TMPRSS11D: variants seen among roughly 807,000 people sequenced by gnomAD.
The protein encoded by TMPRSS11D is transmembrane serine protease 11D, also known as transmembrane protease serine 11D.
In TMPRSS11D, 32 loss-of-function variants were observed where a neutral mutation model predicts 44.4. The ratio of observed to expected loss-of-function variants is 0.72; its 90% CI spans 0.54 to 0.97. The LOEUF (loss-of-function observed/expected upper bound fraction) is 0.97. Among genes scored for constraint, TMPRSS11D ranks in the 50% least tolerant of loss-of-function variants. The probability of loss-of-function intolerance (pLI) is 0.00; values close to 1 mark genes in which losing one functional copy is unlikely to be tolerated. For synonymous variants in TMPRSS11D, 179 were observed against 177.9 expected, an observed-to-expected ratio of 1.01 and a Z score of -0.05; for missense variants, 446 against 502.6, an observed-to-expected ratio of 0.89 and a Z score of 1.08.
At chr4:67,862,476 G>A (rs1409173827) in intron 1 of TMPRSS11D, among the ~76,000 whole-genome samples, 7 of 152,068 alleles carry the variant, frequency 4.6e-5, no homozygotes, top group Admixed American at 6.6e-5. Flanking sequence ...TCACTTGGGG[G>A]AAGCAAAGGG....
chr4:67,878,425 T>C (rs1480407090), intron 1 of TMPRSS11D, among the ~76,000 whole-genome samples: 1 of 152,192 alleles, frequency 6.6e-6, no homozygotes. Flanking sequence ...TTTATCTTGA[T>C]TACCCAAAGT....
At chr4:67,855,081 CCT>C (rs1718601936) in intron 2 of TMPRSS11D, among the ~76,000 whole-genome samples, 1 of 151,920 alleles carries the variant, frequency 6.6e-6, no homozygotes, top group Non-Finnish European at 1.5e-5. Flanking sequence ...ATGGTGAAAC[CCT>C]GTCTCTACTA....
intron 1 of TMPRSS11D, among the ~76,000 whole-genome samples, chr4:67,859,928 T>C (rs1718755343): frequency 6.6e-6 from 1 of 152,166 alleles, no homozygotes; most frequent in Non-Finnish European, 1.5e-5. Context: ...GAAATCTGAC[T>C]TATGGTTTGG....
intron 3 of TMPRSS11D, among the ~76,000 whole-genome samples, chr4:67,844,549 G>A (rs1265018476): frequency 1.3e-5 from 2 of 152,044 alleles, no homozygotes; most frequent in African/African-American, 4.8e-5. Context: ...TGAGGCAAGT[G>A]GATCACTTGA....
At chr4:67,878,700 C>A (rs1719251720) in intron 1 of TMPRSS11D, among the ~76,000 whole-genome samples, 1 of 152,038 alleles carries the variant, frequency 6.6e-6, no homozygotes, top group African/African-American at 2.4e-5. Flanking sequence ...CCGAGGTGGG[C>A]AGATCATGAG....
In TMPRSS11D at chr4:67,862,332, C is replaced by A. The variant is rs140303125; in HGVS notation, c.9-2654G>T. 1.3e-3 allele frequency among the ~76,000 whole-genome samples: 197 copies of A among 152,064 alleles called. 2 individuals are homozygous for A. Among genetic ancestry groups the A allele is most frequent in the African/African-American group, 4.6e-3 (189 of 41,480 alleles). On this transcript the variant is annotated intron_variant, in intron 1 of 9. Coordinates refer to ENST00000283916, the MANE Select transcript of TMPRSS11D (RefSeq NM_004262.3). The stretch of plus-strand genomic sequence containing the variant: ...ATAACTTATGTTTATTCAGGAGTGA[C>A]AGAGCTGGAAACAGAAACCAGGTAA...
chr4:67,840,764 A>G (rs1393283756), intron 4 of TMPRSS11D, among the ~76,000 whole-genome samples: 2 of 152,212 alleles, frequency 1.3e-5, no homozygotes, highest in Non-Finnish European at 2.9e-5. Flanking sequence ...GCTTGTATCA[A>G]AACATCTCAT....
chr4:67,826,243 A>T (rs1198424409), intron 8 of TMPRSS11D, among the ~76,000 whole-genome samples: 4 of 152,154 alleles, frequency 2.6e-5, no homozygotes, highest in African/African-American at 7.2e-5. Context: ...AAACCAGTCT[A>T]GTTTCAAGGC....
intron 3 of TMPRSS11D, among the ~76,000 whole-genome samples, chr4:67,845,598 T>C (rs1326805875): frequency 1.3e-5 from 2 of 152,196 alleles, no homozygotes; most frequent in African/African-American, 2.4e-5. Flanking sequence ...TCTACAATTA[T>C]TAACCTGTTC....
At chr4:67,843,100 C>A (rs1718270011) in intron 3 of TMPRSS11D, among the ~76,000 whole-genome samples, 4 of 123,020 alleles carry the variant, frequency 3.3e-5, no homozygotes, top group Admixed American at 3.2e-4. Context: ...AAGCAAAGGG[C>A]AGTCTTTTTT....
Position 67,825,724 on chromosome 4 carries a change from G to C in TMPRSS11D, c.1095+8C>G, listed in dbSNP as rs1717774554. The C allele has an allele frequency of 2.5e-6, 4 of 1,612,042 alleles. No individual in the cohort carries two copies. The highest frequency in any genetic ancestry group is 3.4e-6 in the Non-Finnish European group (4 of 1,179,014). On this transcript the variant is annotated splice_region_variant and intron_variant, in intron 9 of 9. Transcript: ENST00000283916. ...ATGATGACATGGATGAGATTGTCTT[G>C]AGCTTACCTGACATGCGTCCACTCC...
chr4:67,845,916 A>C (rs544990502), intron 3 of TMPRSS11D, among the ~76,000 whole-genome samples: 22 of 152,286 alleles, frequency 1.4e-4, no homozygotes, highest in African/African-American at 5.3e-4. Flanking sequence ...GGATATCTAT[A>C]ATTGTCACAT....
chr4:67,864,989 T>G (rs896712481), intron 1 of TMPRSS11D, among the ~76,000 whole-genome samples: 1 of 151,728 alleles, frequency 6.6e-6, no homozygotes, highest in Admixed American at 6.6e-5. Flanking sequence ...AAAGAAACAC[T>G]GGACTTAAAT....
At chr4:67,882,580 A>G (rs1455591967) in intron 1 of TMPRSS11D, among the ~76,000 whole-genome samples, 1 of 152,130 alleles carries the variant, frequency 6.6e-6, no homozygotes, top group East Asian at 1.9e-4. Flanking sequence ...TTTTCCATTG[A>G]ATGATGTTTT....
At chr4:67,846,975 G>T (rs534605662) in intron 3 of TMPRSS11D, among the ~76,000 whole-genome samples, 2 of 151,946 alleles carry the variant, frequency 1.3e-5, no homozygotes, top group South Asian at 4.2e-4. Context: ...GGTGATCTTG[G>T]CTCACTGCAA....
chr4:67,858,394 A>G (rs1327568711), intron 2 of TMPRSS11D, among the ~76,000 whole-genome samples: 1 of 152,184 alleles, frequency 6.6e-6, no homozygotes, highest in East Asian at 1.9e-4. Flanking sequence ...CTGAAACTCC[A>G]TGTCTCTTTT....
intron 1 of TMPRSS11D, among the ~76,000 whole-genome samples, chr4:67,864,749 T>C (rs1421218110): frequency 6.6e-6 from 1 of 151,276 alleles, no homozygotes; most frequent in Non-Finnish European, 1.5e-5. Flanking sequence ...TAAAACAAGG[T>C]TTAAATCAAC....
chr4:67,822,179 A>C lies in TMPRSS11D; in HGVS notation c.*158T>G, dbSNP rs1436175428. The C allele has an allele frequency of 1.5e-5, 12 of 827,540 alleles. No individual in the cohort carries two copies. Among genetic ancestry groups the C allele is most frequent in the Non-Finnish European group, 2.1e-5 (11 of 533,902 alleles). 51.3% of individuals were successfully genotyped at this position (827,540 alleles called of 1,614,324 possible). A position where few individuals can be genotyped will look rare whatever the true frequency, so the allele number is the denominator to read the frequency against. The stretch of plus-strand genomic sequence containing the variant: ...TGGAGAAAATAGAAAACCTTTAATA[A>C]TAAAGAAAGGTTAAACAGTGTTTGT... On this transcript the variant is annotated 3_prime_UTR_variant, in exon 10 of 10. Transcript: ENST00000283916.
chr4:67,823,305 A>G (rs1452289334), intron 9 of TMPRSS11D, among the ~76,000 whole-genome samples: 1 of 152,172 alleles, frequency 6.6e-6, no homozygotes, highest in Non-Finnish European at 1.5e-5. Context: ...CCACCCAGTC[A>G]TAATAATGAA....
Sources: allele counts gnomAD v4.1 joint callset (sites outside exome capture counted in the v4.1 genomes callset), GRCh38; gene constraint gnomAD v4.1.1; transcripts MANE v1.5; gene names NCBI Gene and HGNC (gene_info 2026-07-23, HGNC 2026-07-21).